The following SCAI variants were observed in gnomAD, a reference collection of about 807,000 sequenced individuals.
SCAI encodes the protein suppressor of cancer cell invasion, also known as protein SCAI.
In SCAI, 24 loss-of-function variants were observed where a neutral mutation model predicts 92.2. That is an observed-to-expected ratio of 0.26 (90% CI 0.19 to 0.37). The LOEUF (loss-of-function observed/expected upper bound fraction) is 0.37, where lower values mean the gene tolerates loss of function less well. Ranked by LOEUF, SCAI falls within the 10% of genes least tolerant of loss-of-function variation. SCAI has a pLI of 1.00. For synonymous variants in SCAI, 261 were observed against 258.6 expected (o/e 1.01, Z -0.09); for missense variants, 450 against 736.2 (o/e 0.61, Z 4.50).
intron 7 of SCAI, 61 bp from the exon 8 acceptor site, chr9:125,019,266 T>A: frequency 2.2e-6 from 2 of 892,258 alleles, no homozygotes; most frequent in East Asian, 5.2e-5. Flanking sequence ...CACAGCCATA[T>A]AGAACCATAT....
At chr9:125,052,508 G>T (rs916944710) in intron 3 of SCAI, among the ~76,000 whole-genome samples, 1 of 152,044 alleles carries the variant, frequency 6.6e-6, no homozygotes, top group Non-Finnish European at 1.5e-5. Context: ...ATCGCTTGGA[G>T]GCAGGAGAAT....
intron 2 of SCAI, among the ~76,000 whole-genome samples, chr9:125,132,682 T>C (rs536829349): frequency 5.3e-5 from 8 of 152,146 alleles, no homozygotes; most frequent in Non-Finnish European, 7.4e-5. Context: ...ATTAAAAGCA[T>C]TCTCAGGCTG....
chr9:125,106,610 A>G (rs1834805455), intron 2 of SCAI, among the ~76,000 whole-genome samples: 1 of 152,110 alleles, frequency 6.6e-6, no homozygotes, highest in Admixed American at 6.5e-5. Flanking sequence ...AATGTAAAAT[A>G]TTCATTAAAT....
intron 9 of SCAI, among the ~76,000 whole-genome samples, chr9:125,005,309 C>T (rs1832480558): frequency 6.6e-6 from 1 of 152,158 alleles, no homozygotes; most frequent in Non-Finnish European, 1.5e-5. Context: ...ACTAACTACA[C>T]TTTCAAACAT....
At chr9:125,126,567 GGTGTGT>G (rs748121151) in intron 2 of SCAI, among the ~76,000 whole-genome samples, 1 of 128,500 alleles carries the variant, frequency 7.8e-6, no homozygotes, top group Admixed American at 7.8e-5. Context: ...GGTGGGTGTG[GGTGTGT>G]GTGTGTGTGT....
chr9:125,035,694 T>C (rs1421030947), intron 3 of SCAI, among the ~76,000 whole-genome samples: 1 of 152,100 alleles, frequency 6.6e-6, no homozygotes, highest in Non-Finnish European at 1.5e-5. Flanking sequence ...CACAAAAAAG[T>C]TAGATAATAC....
rs1207729597 is a variant in SCAI, at chr9:124,962,173, G to A, written c.1674+9197C>T. On this transcript the variant is annotated intron_variant, in intron 17 of 17. Coordinates refer to ENST00000336505, the MANE Select transcript of SCAI (RefSeq NM_001144877.3). ...GTCTTTTTTTTTTTTTTTTTTTTGCGGGGGGGGATGGAGTCTTGCTCTGTC... is the reference window on the plus strand; with the variant it reads ...GTCTTTTTTTTTTTTTTTTTTTTGCAGGGGGGGATGGAGTCTTGCTCTGTC... 4.2e-5 allele frequency among the ~76,000 whole-genome samples: 5 copies of A among 118,552 alleles called. 1 individual carries two copies. The highest frequency in any genetic ancestry group is 9.3e-5 in the African/African-American group (3 of 32,250). The allele number at this position is 118,552 out of a possible 152,430, so 77.8% of individuals were successfully genotyped here.
intron 2 of SCAI, among the ~76,000 whole-genome samples, chr9:125,133,658 T>G (rs1230992943): frequency 6.6e-6 from 1 of 152,140 alleles, no homozygotes. Context: ...GGTATACATG[T>G]ATTTCAAAAC....
chr9:125,133,603 C>A (rs968758670), intron 2 of SCAI, among the ~76,000 whole-genome samples: 6 of 152,096 alleles, frequency 3.9e-5, no homozygotes, highest in Non-Finnish European at 7.4e-5. Context: ...ATGACACGTA[C>A]CAGTGTACAC....
chr9:125,058,533 G>C (rs761271510), intron 2 of SCAI, among the ~76,000 whole-genome samples: 3 of 152,106 alleles, frequency 2.0e-5, no homozygotes, highest in Non-Finnish European at 4.4e-5. Context: ...TAAACTGTAA[G>C]TATGAGTGAA....
At chr9:125,088,098 T>C (rs1052827698) in intron 2 of SCAI, among the ~76,000 whole-genome samples, 1 of 152,116 alleles carries the variant, frequency 6.6e-6, no homozygotes, top group South Asian at 2.1e-4. Context: ...AACTGTTTTG[T>C]TTTGTTTTGT....
chr9:125,011,826 G>A (rs865856986), intron 9 of SCAI, among the ~76,000 whole-genome samples: 7 of 152,188 alleles, frequency 4.6e-5, no homozygotes, highest in Admixed American at 1.3e-4. Flanking sequence ...GACTAACAGC[G>A]GATGTCTTGG....
chr9:125,057,392 G>A (rs1432107461), intron 2 of SCAI, among the ~76,000 whole-genome samples: 1 of 152,144 alleles, frequency 6.6e-6, no homozygotes, highest in Admixed American at 6.6e-5. Flanking sequence ...TGAGAGTGAA[G>A]AAATATTTGC....
chr9:125,025,020 T>C (rs1374994868), intron 6 of SCAI, among the ~76,000 whole-genome samples: 2 of 152,180 alleles, frequency 1.3e-5, no homozygotes, highest in African/African-American at 4.8e-5. Flanking sequence ...GGAGTGAAGA[T>C]TTTTGCCTTT....
chr9:125,122,100 T>C (rs2131250374), intron 2 of SCAI, among the ~76,000 whole-genome samples: 1 of 152,286 alleles, frequency 6.6e-6, no homozygotes, highest in African/African-American at 2.4e-5. Flanking sequence ...TTGGTAAATA[T>C]GTAAGTGAAC....
intron 17 of SCAI, among the ~76,000 whole-genome samples, chr9:124,960,051 A>C (rs1041939689): frequency 2.0e-5 from 3 of 152,184 alleles, no homozygotes; most frequent in African/African-American, 7.2e-5. Context: ...GTATATACCC[A>C]GTAATGGGAT....
Position 125,055,989 on chromosome 9 carries a change from T to C in SCAI, c.117A>G (p.Lys39=). The change falls in exon 3 of 18, where the codon AAA becomes AAG. Residue 39 remains lysine (K), a synonymous_variant. Transcript: ENST00000336505. ...CAGCACCTCCAGAGGACATGATTTC[T>C]TTAAGAGCAAATTCAGTCCTGTAAG... ...KRRSRTEFAL[K]EIMSSGGAED... 1 of 1,609,002 alleles carries C rather than the reference T, an allele frequency of 6.2e-7. No homozygotes were observed.
intron 9 of SCAI, among the ~76,000 whole-genome samples, chr9:125,017,760 A>G (rs1343028802): frequency 6.6e-6 from 1 of 151,960 alleles, no homozygotes; most frequent in African/African-American, 2.4e-5. Context: ...TGTAATCCCA[A>G]CACTTTGGGA....
chr9:125,104,745 C>T (rs1307679559), intron 2 of SCAI, among the ~76,000 whole-genome samples: 1 of 151,364 alleles, frequency 6.6e-6, no homozygotes, highest in Admixed American at 6.6e-5. Flanking sequence ...TTCTCAAAAC[C>T]CTTTGTTTGT....
Sources: allele counts gnomAD v4.1 joint callset (sites outside exome capture counted in the v4.1 genomes callset), GRCh38; gene constraint gnomAD v4.1.1; transcripts MANE v1.5; gene names NCBI Gene and HGNC (gene_info 2026-07-23, HGNC 2026-07-21).